Variants in KDM6A observed in about 807,000 individuals in gnomAD.
KDM6A encodes lysine demethylase 6A, also known as lysine-specific demethylase 6A.
A neutral mutation model predicts 117.6 loss-of-function variants in KDM6A; 11 were observed. That is an observed-to-expected ratio of 0.09 (90% CI 0.06 to 0.15). The LOEUF is 0.15. Ranked by LOEUF, KDM6A falls within the 10% of genes least tolerant of loss-of-function variation. The pLI is 1.00. For missense variants in KDM6A, 799 were observed against 1,077.3 expected (o/e 0.74, Z 3.62); for synonymous variants, 384 against 396.1 (o/e 0.97, Z 0.36).
intron 5 of KDM6A, among the ~76,000 whole-genome samples, chrX:45,016,453 T>TTTG (rs773349355): frequency 1.0e-5 from 1 of 98,719 alleles, no homozygotes; most frequent in African/African-American, 3.9e-5. Flanking sequence ...TGATTTTATT[T>TTTG]TATGTATGTA....
At chrX:45,098,161 C>T (rs1256875863) in intron 27 of KDM6A, among the ~76,000 whole-genome samples, 2 of 112,224 alleles carry the variant, frequency 1.8e-5, no homozygotes, top group Non-Finnish European at 3.8e-5. Flanking sequence ...TTCATATTAG[C>T]TGAAGATAGA....
At chrX:44,951,862 C>T (rs1258871926) in intron 2 of KDM6A, among the ~76,000 whole-genome samples, 3 of 111,684 alleles carry the variant, frequency 2.7e-5, no homozygotes, top group Non-Finnish European at 5.6e-5. Context: ...TGACCATGAG[C>T]ACAGGATTTA....
intron 2 of KDM6A, among the ~76,000 whole-genome samples, chrX:44,914,333 C>T (rs1199251769): frequency 1.8e-5 from 2 of 111,824 alleles, no homozygotes; most frequent in African/African-American, 6.5e-5. Flanking sequence ...TGAGCTAAGG[C>T]ATGTAAAGTG....
chrX:45,062,735 T>C lies in KDM6A; in HGVS notation c.1670T>C (p.Met557Thr). The stretch of plus-strand genomic sequence containing the variant: ...CAGCTGGAAAGTCAGTTTGTCTTAA[T>C]GCAACAACACCAAGTGTGTATAGCA... Reference protein sequence around the residue: ...LEQLESQFVLMQQHQMRPTGV... With the variant: ...LEQLESQFVLTQQHQMRPTGV... Residue 557 changes from methionine to threonine, a missense_variant, in exon 16 of 30, where the codon ATG becomes ACG. This residue lies in a region of KDM6A where 301 missense variants were observed against 318.3 expected (regional missense o/e 0.95). Transcript: ENST00000611820. 1 of 1,171,915 alleles carries C rather than the reference T, an allele frequency of 8.5e-7. No homozygotes were observed. Among genetic ancestry groups the C allele is most frequent in the East Asian group, 3.0e-5 (1 of 33,676 alleles).
At position 44,974,725 on chromosome X, in the gene KDM6A, C is replaced by T. The variant is rs767711383; in HGVS notation, c.384+10C>T. ...GTCTGACTACTGGAAGGTTAGTGTA[C>T]ATTTGCATGCTGATTTCATGTTTGT... is the stretch of plus-strand genomic sequence containing the variant. On this transcript the variant is annotated intron_variant, in intron 4 of 29. Transcript: ENST00000611820. 5 of 1,144,962 alleles carry T rather than the reference C, an allele frequency of 4.4e-6. No individual in the cohort carries two copies. The highest frequency in any genetic ancestry group is 1.8e-5 in the African/African-American group (1 of 56,004). 94.4% of individuals were successfully genotyped at this position (1,144,962 alleles called of 1,213,427 possible).
At chrX:45,068,509 A>T (rs1051918186) in intron 17 of KDM6A, among the ~76,000 whole-genome samples, 76 of 107,038 alleles carry the variant, frequency 7.1e-4, no homozygotes, top group Non-Finnish European at 1.2e-3. Context: ...AATAAAGTTT[A>T]TCTCAAAGTC....
chrX:44,963,483 G>GTCTGTCTGTCTGTC (rs1556012410), intron 3 of KDM6A, among the ~76,000 whole-genome samples: 13 of 40,889 alleles, frequency 3.2e-4, no homozygotes, highest in Admixed American at 7.4e-4. Context: ...GTGTGTGTGT[G>GTCTGTCTGTCTGTC]TGTCTGTCTG....
At chrX:44,955,993 C>T (rs1225294015) in intron 2 of KDM6A, among the ~76,000 whole-genome samples, 1 of 111,286 alleles carries the variant, frequency 9.0e-6, no homozygotes, top group Non-Finnish European at 1.9e-5. Flanking sequence ...CCAGTGATGG[C>T]CCATTTAATT....
chrX:44,895,330 G>T lies in KDM6A; in HGVS notation c.225+21343G>T, dbSNP rs111614347. Reference sequence around the variant, plus strand: ...GGGTTTCACCGCGTTAGCCGGGATGGTCTCATCTCAATCTCCTGACCTCGT... The same window carrying T: ...GGGTTTCACCGCGTTAGCCGGGATGTTCTCATCTCAATCTCCTGACCTCGT... On this transcript the variant is annotated intron_variant, in intron 2 of 29. Coordinates refer to ENST00000611820, the MANE Select transcript of KDM6A (RefSeq NM_001291415.2). Among the ~76,000 whole-genome samples the T allele has an allele frequency of 6.1e-3, 658 of 107,070 alleles. 8 individuals carry two copies. Among genetic ancestry groups the T allele is most frequent in the African/African-American group, 0.021 (628 of 29,412 alleles). 93.0% of individuals were successfully genotyped at this position (107,070 alleles called of 115,157 possible). A position where few individuals can be genotyped will look rare whatever the true frequency, so the allele number is the denominator to read the frequency against.
intron 27 of KDM6A, among the ~76,000 whole-genome samples, chrX:45,101,400 A>G (rs753722947): frequency 1.8e-5 from 2 of 111,440 alleles, no homozygotes; most frequent in East Asian, 5.6e-4. Flanking sequence ...TAGAAACCCC[A>G]ATTACCTTCT....
intron 2 of KDM6A, among the ~76,000 whole-genome samples, chrX:44,928,778 G>A (rs2036452091): frequency 9.1e-6 from 1 of 110,313 alleles, no homozygotes; most frequent in African/African-American, 3.3e-5. Flanking sequence ...GGTAGTTGGG[G>A]GGCATTTTTT....
chrX:45,068,759 C>CCCTCTCTCCCT (rs1235137414), intron 17 of KDM6A, among the ~76,000 whole-genome samples: 1 of 106,795 alleles, frequency 9.4e-6, no homozygotes, highest in African/African-American at 3.4e-5. Context: ...TCCCTCTCTC[C>CCCTCTCTCCCT]CCTCTCTCCC....
intron 15 of KDM6A, 25 bp from the exon 16 acceptor site, chrX:45,062,622 T>C (rs2044349746): frequency 9.5e-7 from 1 of 1,055,026 alleles, no homozygotes. Flanking sequence ...TCTTTGACTA[T>C]ATTCTCTTTT....
In KDM6A at chrX:44,873,226, C is replaced by G. The variant is rs2030994508; in HGVS notation, c.-326C>G. 3.5e-6 allele frequency: 1 copy of G among 282,610 alleles called. No homozygotes were observed. Among genetic ancestry groups the G allele is most frequent in the South Asian group, 1.0e-4 (1 of 9,744 alleles). The allele number at this position is 282,610 out of a possible 1,213,427, so 23.3% of individuals were successfully genotyped here. A position where few individuals can be genotyped will look rare whatever the true frequency, so the allele number is the denominator to read the frequency against. ...GCTGGTGCCGGGGAAGTTTGTGTCT[C>G]CAACGAATCCCCTCAGTGCTCCCCA... On this transcript the variant is annotated 5_prime_UTR_variant, in exon 1 of 30. Coordinates refer to ENST00000611820, the MANE Select transcript of KDM6A (RefSeq NM_001291415.2).
intron 4 of KDM6A, among the ~76,000 whole-genome samples, chrX:45,009,196 TAC>T (rs1406326687): frequency 1.8e-5 from 2 of 112,053 alleles, no homozygotes; most frequent in Admixed American, 1.9e-4. Context: ...TGACAATACT[TAC>T]AGTTATTTCT....
At chrX:44,939,612 A>G (rs1187377445) in intron 2 of KDM6A, among the ~76,000 whole-genome samples, 1 of 112,482 alleles carries the variant, frequency 8.9e-6, no homozygotes, top group African/African-American at 3.2e-5. Context: ...AGGGTTTGAG[A>G]GAACTGACTC....
chrX:44,977,141 T>C (rs1163392416), intron 4 of KDM6A, among the ~76,000 whole-genome samples: 1 of 111,887 alleles, frequency 8.9e-6, no homozygotes, highest in East Asian at 2.8e-4. Flanking sequence ...AAGAAATCTT[T>C]GCCTAACTCA....
chrX:44,911,648 C>A (rs1382828907), intron 2 of KDM6A, among the ~76,000 whole-genome samples: 1 of 112,312 alleles, frequency 8.9e-6, no homozygotes, highest in Non-Finnish European at 1.9e-5. Flanking sequence ...AGGCTGCAAT[C>A]TCGGCACTTT....
At chrX:44,884,820 C>T (rs766019445) in intron 2 of KDM6A, among the ~76,000 whole-genome samples, 3 of 111,709 alleles carry the variant, frequency 2.7e-5, no homozygotes, top group East Asian at 5.6e-4. Context: ...TCTTTACTCA[C>T]CCTGTTCCCA....
Sources: gnomAD v4.1 joint callset for allele counts (sites outside exome capture counted in the v4.1 genomes callset) on GRCh38, gnomAD v4.1.1 for gene constraint, gnomAD v4.1.1 regional missense constraint, MANE v1.5 for transcripts, NCBI Gene and HGNC (gene_info 2026-07-23, HGNC 2026-07-21) for gene names.